Variants in CRACR2A observed in about 807,000 individuals in gnomAD.
CRACR2A encodes calcium release activated channel regulator 2A.
In CRACR2A, 79 loss-of-function variants were observed where a neutral mutation model predicts 90.5. The observed-to-expected ratio is 0.87, with a 90% CI of 0.73 to 1.05. CRACR2A has a LOEUF of 1.05. CRACR2A is among the 50% of genes least tolerant of loss of function. The probability of loss-of-function intolerance (pLI) is 0.00; values close to 1 mark genes in which losing one functional copy is unlikely to be tolerated. For missense variants in CRACR2A, 823 were observed against 897.2 expected (o/e 0.92, Z 1.06); for synonymous variants, 338 against 356.7 (o/e 0.95, Z 0.59).
At chr12:3,703,000 A>AT (rs1945856178) in intron 3 of CRACR2A, among the ~76,000 whole-genome samples, 2 of 152,366 alleles carry the variant, frequency 1.3e-5, no homozygotes, top group African/African-American at 4.8e-5. Context: ...TATATAAATG[A>AT]TTTTTTGGCA....
At chr12:3,662,977 T>C (rs1203319512) in intron 7 of CRACR2A, among the ~76,000 whole-genome samples, 1 of 152,260 alleles carries the variant, frequency 6.6e-6, no homozygotes, top group Non-Finnish European at 1.5e-5. Context: ...TGAAGTCTTC[T>C]CTGTGAAGAT....
intron 2 of CRACR2A, among the ~76,000 whole-genome samples, chr12:3,720,117 C>G (rs1368132426): frequency 8.8e-6 from 1 of 113,924 alleles, no homozygotes; most frequent in Admixed American, 1.1e-4. Context: ...GAAACTCTAT[C>G]TCAAGAAAGA....
chr12:3,657,145 C>T (rs1183942450), intron 8 of CRACR2A, among the ~76,000 whole-genome samples: 1 of 152,226 alleles, frequency 6.6e-6, no homozygotes, highest in Non-Finnish European at 1.5e-5. Flanking sequence ...CCGAGCGGGA[C>T]ACAACTTGGG....
rs1051517295 is a variant in CRACR2A at position 3,628,153 on chromosome 12, TC to T, written c.1736-448del. ...TTCCTTCACCCTTCCTCCCTCCCTCTCCCCCAACTCTCTCTTTCTTTCTCTC... is the reference window on the plus strand; with the variant it reads ...TTCCTTCACCCTTCCTCCCTCCCTCTCCCCAACTCTCTCTTTCTTTCTCTC... On this transcript the variant is annotated intron_variant, in intron 15 of 19. Coordinates refer to ENST00000440314, the MANE Select transcript of CRACR2A (RefSeq NM_001144958.2). Among the ~76,000 whole-genome samples, 63 of 137,356 alleles carry T rather than the reference TC, an allele frequency of 4.6e-4. 1 individual carries two copies. The highest frequency in any genetic ancestry group is 1.6e-3 in the African/African-American group (61 of 37,600). The allele number at this position is 137,356 out of a possible 152,430, so 90.1% of individuals were successfully genotyped here.
chr12:3,656,457 G>T (rs769841770), intron 8 of CRACR2A, 51 bp from the exon 9 acceptor site: 1 of 1,574,252 alleles, frequency 6.4e-7, no homozygotes, highest in Non-Finnish European at 8.7e-7. Context: ...GCACACCCGG[G>T]TTATAGATTT....
intron 7 of CRACR2A, among the ~76,000 whole-genome samples, chr12:3,668,985 C>A (rs1274643129): frequency 2.6e-5 from 4 of 152,210 alleles, no homozygotes; most frequent in Non-Finnish European, 4.4e-5. Flanking sequence ...CCAATGATGC[C>A]AAACAGGCAG....
intron 4 of CRACR2A, among the ~76,000 whole-genome samples, chr12:3,696,277 C>T (rs1945738763): frequency 6.6e-6 from 1 of 152,218 alleles, no homozygotes; most frequent in Admixed American, 6.5e-5. Context: ...CACTGATGCT[C>T]TGCATACCAT....
At chr12:3,621,736 A>C (rs935515138) in intron 17 of CRACR2A, among the ~76,000 whole-genome samples, 2 of 150,794 alleles carry the variant, frequency 1.3e-5, no homozygotes, top group South Asian at 4.2e-4. Context: ...CAGAAAAAAA[A>C]AATTTAAAAG....
At chr12:3,706,114 A>G (rs988551438) in intron 3 of CRACR2A, among the ~76,000 whole-genome samples, 1 of 152,316 alleles carries the variant, frequency 6.6e-6, no homozygotes, top group Non-Finnish European at 1.5e-5. Flanking sequence ...ACCCATTATT[A>G]AATGTCTTAG....
At chr12:3,734,697 C>A (rs1168130822) in intron 1 of CRACR2A, among the ~76,000 whole-genome samples, 1 of 151,688 alleles carries the variant, frequency 6.6e-6, no homozygotes, top group Non-Finnish European at 1.5e-5. Context: ...AAGAAGAAAA[C>A]CCTACCATTT....
intron 3 of CRACR2A, among the ~76,000 whole-genome samples, chr12:3,706,719 GT>G (rs1945928725): frequency 6.6e-6 from 1 of 152,186 alleles, no homozygotes; most frequent in Non-Finnish European, 1.5e-5. Flanking sequence ...TCCTGCCTCA[GT>G]TTCCCAAGTA....
At chr12:3,691,660 T>C (rs1399151150) in intron 4 of CRACR2A, among the ~76,000 whole-genome samples, 5 of 152,198 alleles carry the variant, frequency 3.3e-5, no homozygotes, top group Non-Finnish European at 4.4e-5. Flanking sequence ...TTACTGGGGT[T>C]CTCTGCATTT....
intron 2 of CRACR2A, among the ~76,000 whole-genome samples, chr12:3,716,563 A>C (rs1950761512): frequency 6.6e-6 from 1 of 152,236 alleles, no homozygotes; most frequent in Non-Finnish European, 1.5e-5. Flanking sequence ...GGGCACAAAC[A>C]AGATGTATCT....
At chr12:3,678,767 A>T in intron 6 of CRACR2A, 148 bp downstream of exon 6, 1 of 702,296 alleles carries the variant, frequency 1.4e-6, no homozygotes, top group Non-Finnish European at 2.2e-6. Flanking sequence ...ACAGGCCCCC[A>T]CTGGCAGAAC....
chr12:3,711,756 C>G lies in CRACR2A; in HGVS notation c.-37+1481G>C, dbSNP rs1177316410. Among the ~76,000 whole-genome samples the G allele has an allele frequency of 6.6e-6, 1 of 152,168 alleles. No individual in the cohort carries two copies. Among genetic ancestry groups the G allele is most frequent in the Non-Finnish European group, 1.5e-5 (1 of 68,032 alleles). On this transcript the variant is annotated intron_variant, in intron 3 of 19. Transcript: ENST00000440314. The surrounding 1 kb of genome is among the most constrained non-coding windows in gnomAD (Gnocchi z 4.3). ...CCTCTGTCTATTACCCATTCCACAG[C>G]CACATCCACATTTTTAGGTATTTAT...
intron 4 of CRACR2A, among the ~76,000 whole-genome samples, chr12:3,688,777 C>A (rs1283175273): frequency 6.6e-6 from 1 of 152,192 alleles, no homozygotes; most frequent in Non-Finnish European, 1.5e-5. Context: ...TCGCTTTAGG[C>A]AGTATGGCCA....
chr12:3,718,466 C>G (rs1946110619), intron 2 of CRACR2A, among the ~76,000 whole-genome samples: 1 of 152,190 alleles, frequency 6.6e-6, no homozygotes, highest in African/African-American at 2.4e-5. Flanking sequence ...AAGCCATAGA[C>G]CTGTACTGTC....
intron 17 of CRACR2A, among the ~76,000 whole-genome samples, chr12:3,623,930 G>A (rs1304711096): frequency 6.6e-6 from 1 of 152,190 alleles, no homozygotes; most frequent in South Asian, 2.1e-4. Context: ...TTCCTGCTCC[G>A]TCTTGGCCTC....
intron 15 of CRACR2A, among the ~76,000 whole-genome samples, chr12:3,632,436 A>C (rs1160402947): frequency 6.6e-6 from 1 of 152,206 alleles, no homozygotes. Flanking sequence ...TTGAGGTCAC[A>C]CAGCTTGTCA....
Sources: allele counts gnomAD v4.1 joint callset (sites outside exome capture counted in the v4.1 genomes callset), GRCh38; gene constraint gnomAD v4.1.1; non-coding constraint Gnocchi (gnomAD v3.1); transcripts MANE v1.5; gene names NCBI Gene and HGNC (gene_info 2026-07-23, HGNC 2026-07-21).